RAPGEF5: variants seen among roughly 807,000 people sequenced by gnomAD.
RAPGEF5 encodes the protein Rap guanine nucleotide exchange factor 5.
A neutral mutation model predicts 125.2 loss-of-function variants in RAPGEF5; 65 were observed. The observed-to-expected ratio is 0.52, with a 90% CI of 0.43 to 0.64. RAPGEF5 has a LOEUF of 0.64. Ranked by LOEUF, RAPGEF5 falls within the 30% of genes least tolerant of loss-of-function variation. The pLI is 0.00. For synonymous variants in RAPGEF5, 391 were observed against 385.9 expected, an observed-to-expected ratio of 1.01 and a Z score of -0.16; for missense variants, 958 against 1,048.1, an observed-to-expected ratio of 0.91 and a Z score of 1.19.
intron 24 of RAPGEF5, 87 bp from the exon 25 acceptor site, chr7:22,125,745 T>C: frequency 8.3e-7 from 1 of 1,198,798 alleles, no homozygotes; most frequent in Non-Finnish European, 1.2e-6. Flanking sequence ...GGAAGGATAA[T>C]CTAGCACTCT....
At chr7:22,221,714 G>A (rs12700362) in intron 8 of RAPGEF5, among the ~76,000 whole-genome samples, 12,516 of 152,070 alleles carry the variant, frequency 0.082, 788 homozygotes, top group East Asian at 0.36. Flanking sequence ...CTCTTCCTTC[G>A]CCTTTTGCCA....
intron 9 of RAPGEF5, among the ~76,000 whole-genome samples, chr7:22,201,642 C>G (rs1027568940): frequency 2.4e-4 from 36 of 152,222 alleles, no homozygotes; most frequent in African/African-American, 8.7e-4. Flanking sequence ...TCTTTCTTGT[C>G]TAGTGCCTAT....
At chr7:22,224,014 C>T (rs1030426934) in intron 8 of RAPGEF5, among the ~76,000 whole-genome samples, 29 of 152,124 alleles carry the variant, frequency 1.9e-4, no homozygotes, top group Non-Finnish European at 3.2e-4. Context: ...TGAATGAACG[C>T]AGCTACATTC....
chr7:22,168,259 T>C (rs1039370547), intron 11 of RAPGEF5, among the ~76,000 whole-genome samples: 17 of 152,166 alleles, frequency 1.1e-4, no homozygotes, highest in Admixed American at 3.3e-4. Flanking sequence ...ATGAATGGCA[T>C]TGCTATCTTT....
chr7:22,355,304 G>A (rs1583601203), intron 1 of RAPGEF5, among the ~76,000 whole-genome samples: 2 of 152,020 alleles, frequency 1.3e-5, no homozygotes, highest in African/African-American at 2.4e-5. Context: ...GAGTATGAAC[G>A]CAAATAAATA....
At chr7:22,275,716 TG>T (rs5882840) in intron 6 of RAPGEF5, among the ~76,000 whole-genome samples, 1 of 151,924 alleles carries the variant, frequency 6.6e-6, no homozygotes, top group Non-Finnish European at 1.5e-5. Flanking sequence ...TTGGAGACCA[TG>T]GGGGTTGTTC....
chr7:22,153,948 CAGA>C (rs1302752997), intron 17 of RAPGEF5, among the ~76,000 whole-genome samples: 2 of 152,178 alleles, frequency 1.3e-5, no homozygotes, highest in African/African-American at 2.4e-5. Context: ...TAAGGCCCAA[CAGA>C]AGGAGAAGTT....
At chr7:22,301,484 G>A (rs960142662) in intron 5 of RAPGEF5, among the ~76,000 whole-genome samples, 13 of 151,794 alleles carry the variant, frequency 8.6e-5, no homozygotes, top group East Asian at 5.8e-4. Context: ...GCGTGGTGGC[G>A]GGCGCCTGTA....
At chr7:22,278,594 A>C (rs1782608791) in intron 6 of RAPGEF5, among the ~76,000 whole-genome samples, 1 of 151,978 alleles carries the variant, frequency 6.6e-6, no homozygotes, top group South Asian at 2.1e-4. Flanking sequence ...ATTATTAGCT[A>C]TGAGCTATAA....
chr7:22,136,969 C>G lies in RAPGEF5; in HGVS notation c.2292G>C (p.Lys764Asn). The change falls in exon 22 of 26, where the codon AAG becomes AAC. Residue 764 changes from lysine to asparagine, a missense_variant. Coordinates refer to ENST00000665637, the MANE Select transcript of RAPGEF5 (RefSeq NM_012294.5). The stretch of plus-strand genomic sequence containing the variant: ...CAAGTTCAGAGAAAAGTTTCTTAAA[C>G]TTCCCAGGGATTTTCTAAAAAACAA... Reference protein sequence around the residue: ...LSQTWEKIPGKFKKLFSELES... With the variant: ...LSQTWEKIPGNFKKLFSELES... 2.5e-6 allele frequency: 4 copies of G among 1,584,486 alleles called. No homozygotes were observed. Among genetic ancestry groups the G allele is most frequent in the Non-Finnish European group, 3.4e-6 (4 of 1,161,492 alleles).
intron 1 of RAPGEF5, among the ~76,000 whole-genome samples, chr7:22,325,891 G>A (rs763528252): frequency 1.6e-4 from 24 of 152,202 alleles, no homozygotes; most frequent in Non-Finnish European, 3.2e-4. Flanking sequence ...TTATGAGCTT[G>A]TTTGAAAACT....
intron 6 of RAPGEF5, among the ~76,000 whole-genome samples, chr7:22,273,200 C>A (rs1782477959): frequency 6.7e-6 from 1 of 149,698 alleles, no homozygotes; most frequent in Non-Finnish European, 1.5e-5. Flanking sequence ...TGTTTCAAGG[C>A]ACTTAGGAGT....
chr7:22,313,253 A>T lies in RAPGEF5; in HGVS notation c.389+2117T>A, dbSNP rs1783514619. ...TAATGCTACAATAATCTTTAAAATA[A>T]ATCAGGTGATGGTATTTTAGTGACG... is the stretch of plus-strand genomic sequence containing the variant. On this transcript the variant is annotated intron_variant, in intron 3 of 25. Transcript: ENST00000665637. Among the ~76,000 whole-genome samples, 4 of 152,234 alleles carry T rather than the reference A, an allele frequency of 2.6e-5. No individual in the cohort carries two copies. The South Asian group carries it at 8.3e-4, about 32-fold the overall frequency.
At chr7:22,300,723 C>G (rs1309216805) in intron 5 of RAPGEF5, among the ~76,000 whole-genome samples, 1 of 152,206 alleles carries the variant, frequency 6.6e-6, no homozygotes, top group East Asian at 1.9e-4. Flanking sequence ...AGCTGGGGCT[C>G]CTCTGCCCAG....
intron 6 of RAPGEF5, among the ~76,000 whole-genome samples, chr7:22,272,851 G>T (rs1562501174): frequency 6.6e-6 from 1 of 152,068 alleles, no homozygotes; most frequent in African/African-American, 2.4e-5. Context: ...CTGCCTTCTG[G>T]GGTCAAGCAA....
intron 4 of RAPGEF5, 47 bp downstream of exon 4, chr7:22,309,922 T>G: frequency 1.3e-6 from 2 of 1,514,256 alleles, no homozygotes; most frequent in Non-Finnish European, 1.8e-6. Context: ...TTTCATCTGA[T>G]AGCTTAATAA....
intron 1 of RAPGEF5, among the ~76,000 whole-genome samples, chr7:22,323,120 C>A (rs1430672105): frequency 4.6e-5 from 7 of 152,218 alleles, no homozygotes; most frequent in Non-Finnish European, 8.8e-5. Flanking sequence ...TTTTCCATAT[C>A]TAGACATAGC....
rs534676296 is a variant in RAPGEF5, at chr7:22,331,694, G to A, written c.232-13657C>T. Among the ~76,000 whole-genome samples, 279 of 145,226 alleles carry A rather than the reference G, an allele frequency of 1.9e-3. 1 individual carries two copies. Among genetic ancestry groups the A allele is most frequent in the Non-Finnish European group, 2.4e-3 (161 of 67,140 alleles). On this transcript the variant is annotated intron_variant, in intron 1 of 25. Transcript: ENST00000665637. ...CGGGAGGCGGAGCTTGCAGTGAGTG[G>A]AGATCGCACCATTGCACTCCAGCCT...
intron 7 of RAPGEF5, among the ~76,000 whole-genome samples, chr7:22,232,899 C>T (rs949899697): frequency 5.9e-5 from 9 of 152,214 alleles, no homozygotes; most frequent in African/African-American, 1.7e-4. Flanking sequence ...CTTCTGTTCA[C>T]GCTTTGGATA....
Sources: gnomAD v4.1 joint callset for allele counts (sites outside exome capture counted in the v4.1 genomes callset) on GRCh38, gnomAD v4.1.1 for gene constraint, MANE v1.5 for transcripts, NCBI Gene and HGNC (gene_info 2026-07-23, HGNC 2026-07-21) for gene names.